The following DCC variants were observed in gnomAD, a reference collection of about 807,000 sequenced individuals.
DCC encodes the protein netrin receptor DCC.
DCC carries 58 observed loss-of-function variants against 172.5 expected under a neutral mutation model. That is an observed-to-expected ratio of 0.34 (90% CI 0.27 to 0.42). The LOEUF (loss-of-function observed/expected upper bound fraction) is 0.42, where lower values mean the gene tolerates loss of function less well. Among genes scored for constraint, DCC ranks in the 10% least tolerant of loss-of-function variants. The probability of loss-of-function intolerance (pLI) is 1.00; values close to 1 mark genes in which losing one functional copy is unlikely to be tolerated. For missense variants in DCC, 1,740 were observed against 1,791.0 expected (o/e 0.97, Z 0.51); for synonymous variants, 709 against 644.5 (o/e 1.10, Z -1.52).
chr18:52,534,079 T>C (rs1042541087), intron 1 of DCC, among the ~76,000 whole-genome samples: 20 of 152,186 alleles, frequency 1.3e-4, no homozygotes, highest in African/African-American at 4.8e-4. Context: ...TGTATGGATA[T>C]ACCACATTTG....
chr18:52,816,265 A>G (rs961350605), intron 2 of DCC, among the ~76,000 whole-genome samples: 1 of 152,222 alleles, frequency 6.6e-6, no homozygotes, highest in Admixed American at 6.5e-5. Flanking sequence ...GGAAATTTTT[A>G]TAAACATTGG....
intron 2 of DCC, among the ~76,000 whole-genome samples, chr18:52,781,479 C>T (rs1278561705): frequency 2.0e-5 from 3 of 152,138 alleles, no homozygotes; most frequent in Admixed American, 6.6e-5. Context: ...TACTTCTATG[C>T]AAGTGTCATT....
At chr18:53,123,750 A>G (rs1394803173) in intron 7 of DCC, among the ~76,000 whole-genome samples, 2 of 151,718 alleles carry the variant, frequency 1.3e-5, no homozygotes, top group African/African-American at 2.4e-5. Context: ...AATAATTTTC[A>G]TGTCTATTCA....
chr18:53,024,069 G>A (rs1487499602), intron 5 of DCC, among the ~76,000 whole-genome samples: 1 of 152,138 alleles, frequency 6.6e-6, no homozygotes, highest in African/African-American at 2.4e-5. Flanking sequence ...GGAGAAGATA[G>A]ACAGTGGGTA....
chr18:52,643,779 G>A (rs2034957124), intron 1 of DCC, among the ~76,000 whole-genome samples: 1 of 152,146 alleles, frequency 6.6e-6, no homozygotes. Context: ...GGGGTCATGA[G>A]TGCCAAGAAC....
chr18:53,494,940 C>T (rs541914533), intron 26 of DCC, among the ~76,000 whole-genome samples: 12 of 152,214 alleles, frequency 7.9e-5, no homozygotes, highest in Admixed American at 2.0e-4. Context: ...TGGCTAGTAC[C>T]GGTTGTTCCT....
chr18:52,695,518 C>A (rs1408676987), intron 1 of DCC, among the ~76,000 whole-genome samples: 2 of 152,168 alleles, frequency 1.3e-5, no homozygotes, highest in African/African-American at 4.8e-5. Flanking sequence ...GAATTTTGGA[C>A]ATAGTTATAG....
chr18:53,135,419 A>G (rs1171019869), intron 7 of DCC, among the ~76,000 whole-genome samples: 1 of 152,140 alleles, frequency 6.6e-6, no homozygotes, highest in East Asian at 1.9e-4. Flanking sequence ...AAAAACATGT[A>G]TATTTTATGC....
At chr18:52,436,988 T>C (rs1987817618) in intron 1 of DCC, among the ~76,000 whole-genome samples, 1 of 152,180 alleles carries the variant, frequency 6.6e-6, no homozygotes, top group Non-Finnish European at 1.5e-5. Context: ...ATTTTATAGA[T>C]GGAGAAACTG....
chr18:52,389,512 T>A (rs1393390432), intron 1 of DCC, among the ~76,000 whole-genome samples: 1 of 152,082 alleles, frequency 6.6e-6, no homozygotes, highest in Non-Finnish European at 1.5e-5. Flanking sequence ...TAAAGATTTA[T>A]CTGACCCAAC....
intron 2 of DCC, among the ~76,000 whole-genome samples, chr18:52,807,187 G>C (rs926663971): frequency 6.6e-6 from 1 of 152,072 alleles, no homozygotes; most frequent in Non-Finnish European, 1.5e-5. Context: ...GAGCGAGACT[G>C]TCTCAAAAAA....
chr18:52,356,905 C>A (rs148350295), intron 1 of DCC, among the ~76,000 whole-genome samples: 15,301 of 152,116 alleles, frequency 0.1, 825 homozygotes, highest in African/African-American at 0.11. Context: ...GCCTCAGCCT[C>A]CCGAGTAGCT....
At chr18:52,341,284 G>T (rs1327987628) in intron 1 of DCC, among the ~76,000 whole-genome samples, 1 of 152,156 alleles carries the variant, frequency 6.6e-6, no homozygotes, top group Non-Finnish European at 1.5e-5. Context: ...ACATCCAGGG[G>T]CTTTGAGGAA....
Position 53,351,316 on chromosome 18 carries a change from CACTG to C in DCC, c.2359+11410_2359+11413del, listed in dbSNP as rs1199521563. 1.3e-3 allele frequency among the ~76,000 whole-genome samples: 26 copies of C among 19,866 alleles called. 1 individual carries two copies. The highest frequency in any genetic ancestry group is 3.3e-3 in the African/African-American group (24 of 7,202). The allele number at this position is 19,866 out of a possible 152,430, so 13.0% of individuals were successfully genotyped here. A position where few individuals can be genotyped will look rare whatever the true frequency, so the allele number is the denominator to read the frequency against. ...GTATATATATATATATATATATATA[CACTG>C]TATATATATATACAGTGTATATATA... On this transcript the variant is annotated intron_variant, in intron 15 of 28. Transcript: ENST00000442544.
chr18:53,319,168 G>A (rs992537224), intron 13 of DCC, among the ~76,000 whole-genome samples: 3 of 152,146 alleles, frequency 2.0e-5, no homozygotes, highest in Non-Finnish European at 4.4e-5. Flanking sequence ...ATACCGAATT[G>A]TAAAGACCAT....
At position 53,386,155 on chromosome 18, in the gene DCC, A is replaced by G. The variant is rs1008494632; in HGVS notation, c.2455+17A>G. 5.4e-6 allele frequency: 8 copies of G among 1,477,462 alleles called. No homozygotes were observed. In the Middle Eastern group the frequency reaches 5.2e-4, roughly 95 times the overall value. 91.5% of individuals were successfully genotyped at this position (1,477,462 alleles called of 1,614,324 possible). On this transcript the variant is annotated intron_variant, in intron 16 of 28. Coordinates refer to ENST00000442544, the MANE Select transcript of DCC (RefSeq NM_005215.4). ...CTATAACCGGTAAGTGAAATTGTTAATCTTCCTCTGACAAAGTATATTTGA... is the reference window on the plus strand; with the variant it reads ...CTATAACCGGTAAGTGAAATTGTTAGTCTTCCTCTGACAAAGTATATTTGA...
Position 53,227,636 on chromosome 18 carries a change from G to A in DCC, c.1911+12039G>A, listed in dbSNP as rs551362529. Reference sequence around the variant, plus strand: ...ATAGTAGGAAAAAGAAAGTATTAAGGAACAATTCTGTATCTTCAGAAAATT... The same window carrying A: ...ATAGTAGGAAAAAGAAAGTATTAAGAAACAATTCTGTATCTTCAGAAAATT... On this transcript the variant is annotated intron_variant, in intron 12 of 28. Transcript: ENST00000442544. Among the ~76,000 whole-genome samples, 30 of 152,242 alleles carry A rather than the reference G, an allele frequency of 2.0e-4. No homozygotes were observed. In the South Asian group the frequency reaches 5.8e-3, roughly 29 times the overall value.
At chr18:52,791,170 C>G (rs1227446496) in intron 2 of DCC, among the ~76,000 whole-genome samples, 1 of 152,142 alleles carries the variant, frequency 6.6e-6, no homozygotes, top group Non-Finnish European at 1.5e-5. Flanking sequence ...TTGGGGAATT[C>G]TCTCTGTGCC....
intron 2 of DCC, among the ~76,000 whole-genome samples, chr18:52,839,715 G>T (rs1292223786): frequency 6.6e-6 from 1 of 152,190 alleles, no homozygotes; most frequent in African/African-American, 2.4e-5. Context: ...TCTTCATTCT[G>T]AGAGTCTGTG....
Sources: allele counts gnomAD v4.1 joint callset (sites outside exome capture counted in the v4.1 genomes callset), GRCh38; gene constraint gnomAD v4.1.1; transcripts MANE v1.5; gene names NCBI Gene and HGNC (gene_info 2026-07-23, HGNC 2026-07-21).